Variants in DACH1 observed in about 807,000 individuals in gnomAD.
DACH1 encodes dachshund homolog 1.
Under a neutral mutation model 54.2 loss-of-function variants are expected in DACH1, and 12 were observed. The observed-to-expected ratio is 0.22, with a 90% CI of 0.14 to 0.36. The LOEUF (loss-of-function observed/expected upper bound fraction) is 0.36. DACH1 is among the 10% of genes least tolerant of loss of function. DACH1 has a pLI of 1.00. For synonymous variants in DACH1, 386 were observed against 366.2 expected, an observed-to-expected ratio of 1.05 and a Z score of -0.62; for missense variants, 805 against 929.8, an observed-to-expected ratio of 0.87 and a Z score of 1.75.
intron 1 of DACH1, among the ~76,000 whole-genome samples, chr13:71,757,643 C>A (rs1052511801): frequency 6.6e-6 from 1 of 151,482 alleles, no homozygotes; most frequent in African/African-American, 2.4e-5. Context: ...CCAGCCTCAA[C>A]CTCCTGAGTA....
At position 71,826,066 on chromosome 13, in the gene DACH1, A is replaced by G. The variant is rs75243942; in HGVS notation, c.848+39856T>C. On this transcript the variant is annotated intron_variant, in intron 1 of 10. Transcript: ENST00000613252. ...TCCTGATTCCAAATTTTGCATCTTA[A>G]AAACTGGAAATTAAAAATGTGTATT... Among the ~76,000 whole-genome samples the G allele has an allele frequency of 8.5e-3, 1,293 of 152,198 alleles. 24 individuals are homozygous for G. Among genetic ancestry groups the G allele is most frequent in the African/African-American group, 0.029 (1,203 of 41,532 alleles).
At chr13:71,822,047 G>A (rs755222943) in intron 1 of DACH1, among the ~76,000 whole-genome samples, 7 of 151,906 alleles carry the variant, frequency 4.6e-5, no homozygotes, top group African/African-American at 1.2e-4. Flanking sequence ...GCAACAGAGC[G>A]AGATTCCATC....
At chr13:71,478,984 A>G (rs551824984) in intron 8 of DACH1, among the ~76,000 whole-genome samples, 185 bp downstream of exon 8, 206 of 152,330 alleles carry the variant, frequency 1.4e-3, no homozygotes, top group African/African-American at 4.9e-3. Context: ...AGGTAGGAAC[A>G]GAAAAGAAAA....
intron 3 of DACH1, among the ~76,000 whole-genome samples, chr13:71,629,405 T>C (rs1416822892): frequency 6.6e-6 from 1 of 152,164 alleles, no homozygotes; most frequent in Admixed American, 6.6e-5. Flanking sequence ...CCTTACATAG[T>C]TGTGCTGAAA....
intron 1 of DACH1, among the ~76,000 whole-genome samples, chr13:71,781,346 TTTTATTTATTTATTTA>T (rs58100916): frequency 1.1e-4 from 15 of 137,212 alleles, no homozygotes; most frequent in African/African-American, 1.3e-4. Flanking sequence ...TCTTTTTTAT[TTTTATTTATTTATTTA>T]TTTATTTATT....
intron 1 of DACH1, among the ~76,000 whole-genome samples, chr13:71,798,722 C>T (rs1218148594): frequency 1.3e-5 from 2 of 151,972 alleles, no homozygotes; most frequent in Non-Finnish European, 2.9e-5. Context: ...TTGCAGAAAT[C>T]CCTGCCAAGC....
intron 6 of DACH1, among the ~76,000 whole-genome samples, chr13:71,518,770 C>A (rs1315116331): frequency 6.6e-6 from 1 of 151,734 alleles, no homozygotes; most frequent in South Asian, 2.1e-4. Context: ...TTAGAGGAAA[C>A]AGAAATCATA....
intron 1 of DACH1, among the ~76,000 whole-genome samples, chr13:71,779,261 ATGTG>A (rs1239225981): frequency 0.011 from 747 of 67,372 alleles, 42 homozygotes; most frequent in African/African-American, 0.046. Flanking sequence ...ATACGTATAT[ATGTG>A]TATATATACG....
At chr13:71,582,688 T>A (rs1872936837) in intron 3 of DACH1, among the ~76,000 whole-genome samples, 1 of 152,174 alleles carries the variant, frequency 6.6e-6, no homozygotes, top group African/African-American at 2.4e-5. Flanking sequence ...TACATGCAGA[T>A]GGCAGACTTG....
chr13:71,840,970 TAC>T (rs1375279530), intron 1 of DACH1, among the ~76,000 whole-genome samples: 1 of 152,196 alleles, frequency 6.6e-6, no homozygotes, highest in East Asian at 1.9e-4. Context: ...ATTATGATGA[TAC>T]AGTTGTTTTA....
intron 3 of DACH1, among the ~76,000 whole-genome samples, chr13:71,615,474 A>G (rs1875691306): frequency 6.6e-6 from 1 of 152,182 alleles, no homozygotes; most frequent in Non-Finnish European, 1.5e-5. Flanking sequence ...ATGAGACAAA[A>G]CTTTTCAATT....
intron 1 of DACH1, among the ~76,000 whole-genome samples, chr13:71,779,938 T>G (rs1172371240): frequency 6.6e-6 from 1 of 152,116 alleles, no homozygotes; most frequent in African/African-American, 2.4e-5. Context: ...ATTAAATCTC[T>G]GGAAACCTCT....
At chr13:71,442,729 T>C (rs1011808748) in intron 10 of DACH1, among the ~76,000 whole-genome samples, 2 of 152,080 alleles carry the variant, frequency 1.3e-5, no homozygotes, top group African/African-American at 4.8e-5. Flanking sequence ...TAAAGCTTAA[T>C]TTATAAATTA....
chr13:71,479,322 C>A lies in DACH1; in HGVS notation c.1723-6G>T. The A allele has an allele frequency of 6.2e-7, 1 of 1,602,396 alleles. No homozygotes were observed. Among genetic ancestry groups the A allele is most frequent in the Non-Finnish European group, 8.5e-7 (1 of 1,177,074 alleles). Reference sequence around the variant, plus strand: ...ATGGCAACTTTCAACAGCCCCTGTACAAAGAAGATATTCGGAATGGTAATA... The same window carrying A: ...ATGGCAACTTTCAACAGCCCCTGTAAAAAGAAGATATTCGGAATGGTAATA... On this transcript the variant is annotated splice_region_variant and splice_polypyrimidine_tract_variant and intron_variant, in intron 7 of 10. Transcript: ENST00000613252.
rs199881864 is a variant in DACH1, at chr13:71,831,383, TA to T, written c.848+34538del. 9.7e-3 allele frequency among the ~76,000 whole-genome samples: 1,463 copies of T among 150,984 alleles called. 23 individuals carry two copies. Among genetic ancestry groups the T allele is most frequent in the African/African-American group, 0.033 (1,353 of 41,298 alleles). On this transcript the variant is annotated intron_variant, in intron 1 of 10. Coordinates refer to ENST00000613252, the MANE Select transcript of DACH1 (RefSeq NM_080759.6). The stretch of plus-strand genomic sequence containing the variant: ...AACATAGAAACTAATAAATACAAGT[TA>T]AAAAAAAATAGTAAGGTCCGAGAAA...
chr13:71,771,635 T>C (rs1158907331), intron 1 of DACH1, among the ~76,000 whole-genome samples: 1 of 151,516 alleles, frequency 6.6e-6, no homozygotes, highest in African/African-American at 2.4e-5. Context: ...TGGTGGAAAT[T>C]ATTCTGTTGT....
chr13:71,442,640 C>G (rs1874106551), intron 10 of DACH1, among the ~76,000 whole-genome samples: 1 of 152,014 alleles, frequency 6.6e-6, no homozygotes, highest in Non-Finnish European at 1.5e-5. Context: ...GTCCAGACTG[C>G]CAGTGGATGC....
intron 1 of DACH1, among the ~76,000 whole-genome samples, chr13:71,837,303 T>TA (rs1271228776): frequency 3.9e-5 from 6 of 152,172 alleles, no homozygotes; most frequent in African/African-American, 1.4e-4. Context: ...ATGAAATGAC[T>TA]GTTGGATTCA....
intron 1 of DACH1, among the ~76,000 whole-genome samples, chr13:71,741,464 G>A (rs962181170): frequency 4.6e-5 from 7 of 152,108 alleles, no homozygotes; most frequent in African/African-American, 1.7e-4. Flanking sequence ...ATGAAAAAGA[G>A]ATTGGGACAT....
Sources: gnomAD v4.1 joint callset for allele counts (sites outside exome capture counted in the v4.1 genomes callset) on GRCh38, gnomAD v4.1.1 for gene constraint, MANE v1.5 for transcripts, NCBI Gene and HGNC (gene_info 2026-07-23, HGNC 2026-07-21) for gene names.